The following DGKD variants were observed in gnomAD, a reference collection of about 807,000 sequenced individuals.
DGKD encodes the protein DAG kinase delta.
DGKD carries 68 observed loss-of-function variants against 154.4 expected under a neutral mutation model. The ratio of observed to expected loss-of-function variants is 0.44; its 90% CI spans 0.36 to 0.54. The LOEUF is 0.54. Among genes scored for constraint, DGKD ranks in the 20% least tolerant of loss-of-function variants. The pLI, the probability that DGKD is intolerant of heterozygous loss-of-function variation, is 0.00. For missense variants in DGKD, 1,343 were observed against 1,593.6 expected (o/e 0.84, Z 2.68); for synonymous variants, 693 against 638.0 (o/e 1.09, Z -1.30).
chr2:233,443,870 T>C (rs1187586763), intron 10 of DGKD, among the ~76,000 whole-genome samples: 1 of 152,236 alleles, frequency 6.6e-6, no homozygotes. Flanking sequence ...TTCTCTCCCC[T>C]GCGTCTCTTT....
intron 3 of DGKD, among the ~76,000 whole-genome samples, chr2:233,418,722 T>A (rs1437830068): frequency 1.3e-5 from 2 of 152,166 alleles, no homozygotes; most frequent in Admixed American, 1.3e-4. Context: ...GGGGACCCCC[T>A]CCTTCCCCCC....
At chr2:233,392,681 A>G (rs1180731197) in intron 3 of DGKD, among the ~76,000 whole-genome samples, 1 of 152,232 alleles carries the variant, frequency 6.6e-6, no homozygotes, top group African/African-American at 2.4e-5. Flanking sequence ...TTTATTTTAA[A>G]TTATTTGTCA....
chr2:233,438,755 CATCTATCTATCTATCTATCT>C lies in DGKD; in HGVS notation c.1085+417_1085+436del, dbSNP rs3835771. 2.7e-3 allele frequency among the ~76,000 whole-genome samples: 363 copies of C among 132,366 alleles called. 3 individuals carry two copies. The highest frequency in any genetic ancestry group is 4.0e-3 in the Admixed American group (55 of 13,840). The allele number at this position is 132,366 out of a possible 152,430, so 86.8% of individuals were successfully genotyped here. ...ATTTTTTATTTATCTGTCTATCTAT[CATCTATCTATCTATCTATCT>C]ATCTATCTATCTATCTATCTATCTA... is the stretch of plus-strand genomic sequence containing the variant. On this transcript the variant is annotated intron_variant, in intron 9 of 29. Coordinates refer to ENST00000264057, the MANE Select transcript of DGKD (RefSeq NM_152879.3). The surrounding 1 kb of genome is among the most constrained non-coding windows in gnomAD (Gnocchi z 4.1).
chr2:233,462,778 G>C (rs753990551), intron 26 of DGKD, 43 bp downstream of exon 26: 1 of 1,555,644 alleles, frequency 6.4e-7, no homozygotes, highest in Non-Finnish European at 8.8e-7. Flanking sequence ...GGCTGTGTGT[G>C]AAACGACTGC....
intron 1 of DGKD, among the ~76,000 whole-genome samples, chr2:233,361,283 C>A (rs147490074): frequency 2.0e-5 from 3 of 152,344 alleles, no homozygotes; most frequent in Admixed American, 2.0e-4. Context: ...CTTCAAATCA[C>A]CTCAGTCCTC....
At chr2:233,386,145 G>A (rs838716) in intron 1 of DGKD, 1 of 300,950 alleles carries the variant, frequency 3.3e-6, no homozygotes. Context: ...TGGGTTTTGG[G>A]TTGTTGGTTT....
rs1215340091 is a variant in DGKD, at chr2:233,452,636, T to C, written c.2264+576T>C. On this transcript the variant is annotated intron_variant, in intron 18 of 29. Transcript: ENST00000264057. The surrounding 1 kb of genome is among the most constrained non-coding windows in gnomAD (Gnocchi z 4.0). ...CTGCGTGCCTGCGTGCTGATACTGC[T>C]ACTCCTTGGGGGACAAGGCCTTCTT... Among the ~76,000 whole-genome samples the C allele has an allele frequency of 6.6e-6, 1 of 152,192 alleles. No individual in the cohort carries two copies. Among genetic ancestry groups the C allele is most frequent in the African/African-American group, 2.4e-5 (1 of 41,454 alleles).
chr2:233,429,771 G>A (rs13400563), intron 3 of DGKD, among the ~76,000 whole-genome samples: 13,318 of 152,306 alleles, frequency 0.087, 667 homozygotes, highest in African/African-American at 0.14. Context: ...TGCCTTTGCC[G>A]TCTCTCCTTC....
chr2:233,372,836 G>C (rs1702388889), intron 1 of DGKD, among the ~76,000 whole-genome samples: 1 of 151,992 alleles, frequency 6.6e-6, no homozygotes, highest in South Asian at 2.1e-4. Flanking sequence ...AGAGACTCTT[G>C]GTCCAGAATT....
At chr2:233,407,759 C>G (rs998282576) in intron 3 of DGKD, among the ~76,000 whole-genome samples, 1 of 152,072 alleles carries the variant, frequency 6.6e-6, no homozygotes, top group African/African-American at 2.4e-5. Flanking sequence ...AGAGAGAGAT[C>G]GTGTCTCAAA....
intron 1 of DGKD, among the ~76,000 whole-genome samples, chr2:233,356,960 G>A (rs1326918404): frequency 6.6e-6 from 1 of 152,222 alleles, no homozygotes; most frequent in Non-Finnish European, 1.5e-5. Flanking sequence ...ATTTGGAACA[G>A]AAGGAATGTA....
At chr2:233,447,211 G>A (rs562937507) in intron 12 of DGKD, among the ~76,000 whole-genome samples, 4 of 149,920 alleles carry the variant, frequency 2.7e-5, no homozygotes, top group South Asian at 2.1e-4. Context: ...CTCCTGCCCC[G>A]TCCCACCTCT....
At chr2:233,383,980 G>A (rs940798335) in intron 1 of DGKD, among the ~76,000 whole-genome samples, 3 of 152,026 alleles carry the variant, frequency 2.0e-5, no homozygotes, top group South Asian at 2.1e-4. Context: ...CTCTGTAGCC[G>A]GTAAAAATGC....
rs144944804 is a variant in DGKD at position 233,435,738 on chromosome 2, C to T, written c.587-80C>T. ...CTTCCTTGACTTTTCTGGAGCTGGA[C>T]GGTTCTCACAACACTGCTCAGCATG... is the stretch of plus-strand genomic sequence containing the variant. On this transcript the variant is annotated intron_variant, in intron 5 of 29. Transcript: ENST00000264057. The T allele has an allele frequency of 5.6e-5, 74 of 1,330,040 alleles. No individual in the cohort carries two copies. In the African/African-American group the frequency reaches 9.5e-4, roughly 17 times the overall value. The allele number at this position is 1,330,040 out of a possible 1,614,324, so 82.4% of individuals were successfully genotyped here. A position where few individuals can be genotyped will look rare whatever the true frequency, so the allele number is the denominator to read the frequency against.
intron 3 of DGKD, among the ~76,000 whole-genome samples, chr2:233,424,125 G>C (rs931142632): frequency 6.6e-6 from 1 of 152,182 alleles, no homozygotes; most frequent in South Asian, 2.1e-4. Flanking sequence ...CGTCATGACC[G>C]TTGGACCGTT....
chr2:233,453,488 C>T (rs767006908), intron 18 of DGKD, among the ~76,000 whole-genome samples: 28 of 152,222 alleles, frequency 1.8e-4, no homozygotes, highest in Admixed American at 8.5e-4. Flanking sequence ...GCTCAGCTGT[C>T]GGGCACTTGA....
At chr2:233,402,969 G>A (rs1419221099) in intron 3 of DGKD, among the ~76,000 whole-genome samples, 2 of 152,166 alleles carry the variant, frequency 1.3e-5, no homozygotes, top group African/African-American at 4.8e-5. Context: ...CATAAGTAGA[G>A]TGGAAGAAGG....
chr2:233,425,738 T>G (rs897174457), intron 3 of DGKD, among the ~76,000 whole-genome samples: 9 of 152,226 alleles, frequency 5.9e-5, no homozygotes, highest in African/African-American at 2.2e-4. Context: ...AGTGGCTGCA[T>G]AGTTTTCTGT....
At position 233,449,834 on chromosome 2, in the gene DGKD, G is replaced by C. The variant is rs958060364; in HGVS notation, c.1889-148G>C. The C allele has an allele frequency of 4.3e-6, 4 of 921,208 alleles. No homozygotes were observed. Among genetic ancestry groups the C allele is most frequent in the Non-Finnish European group, 6.2e-6 (4 of 644,830 alleles). The allele number at this position is 921,208 out of a possible 1,614,324, so 57.1% of individuals were successfully genotyped here. ...CCAGGACCAGGGGGAAGATGGGTGG[G>C]GGTGGGGTTTCGGAGTCCAAGCCTT... is the stretch of plus-strand genomic sequence containing the variant. On this transcript the variant is annotated intron_variant, in intron 15 of 29. Coordinates refer to ENST00000264057, the MANE Select transcript of DGKD (RefSeq NM_152879.3). This position sits in a 1 kb window ranked among gnomAD's most constrained non-coding sequence, Gnocchi z 5.3.
Sources: allele counts gnomAD v4.1 joint callset (sites outside exome capture counted in the v4.1 genomes callset), GRCh38; gene constraint gnomAD v4.1.1; non-coding constraint Gnocchi (gnomAD v3.1); transcripts MANE v1.5; gene names NCBI Gene and HGNC (gene_info 2026-07-23, HGNC 2026-07-21).